BCL7A: variants seen among roughly 807,000 people sequenced by gnomAD.
BCL7A encodes the protein BAF chromatin remodeling complex subunit BCL7A.
A neutral mutation model predicts 28.4 loss-of-function variants in BCL7A; 11 were observed. The ratio of observed to expected loss-of-function variants is 0.39; its 90% CI spans 0.24 to 0.64. The LOEUF (loss-of-function observed/expected upper bound fraction) is 0.64, where lower values mean the gene tolerates loss of function less well. Ranked by LOEUF, BCL7A falls within the 30% of genes least tolerant of loss-of-function variation. The pLI, the probability that BCL7A is intolerant of heterozygous loss-of-function variation, is 0.50. For synonymous variants in BCL7A, 123 were observed against 103.3 expected (o/e 1.19, Z -1.15); for missense variants, 222 against 274.8 (o/e 0.81, Z 1.36).
chr12:122,040,375 A>C (rs1203375863), intron 3 of BCL7A, among the ~76,000 whole-genome samples: 1 of 151,984 alleles, frequency 6.6e-6, no homozygotes, highest in Non-Finnish European at 1.5e-5. Flanking sequence ...TCTACTAAAA[A>C]TACAAAAATT....
At chr12:122,058,980 C>T in intron 5 of BCL7A, 112 bp from the exon 6 acceptor site, 1 of 896,564 alleles carries the variant, frequency 1.1e-6, no homozygotes, top group Non-Finnish European at 1.8e-6. Context: ...TGGTCTGAAC[C>T]ACAAAGCCGC....
In BCL7A at chr12:122,059,353, C is replaced by A; in HGVS notation, c.*190C>A. 1 of 561,194 alleles carries A rather than the reference C, an allele frequency of 1.8e-6. No homozygotes were observed. Among genetic ancestry groups the A allele is most frequent in the Non-Finnish European group, 3.2e-6 (1 of 314,874 alleles). 34.8% of individuals were successfully genotyped at this position (561,194 alleles called of 1,614,324 possible). A position where few individuals can be genotyped will look rare whatever the true frequency, so the allele number is the denominator to read the frequency against. On this transcript the variant is annotated 3_prime_UTR_variant, in exon 6 of 6. Coordinates refer to ENST00000261822, the MANE Select transcript of BCL7A (RefSeq NM_001024808.3). This position sits in a 1 kb window ranked among gnomAD's most constrained non-coding sequence, Gnocchi z 4.0. Reference sequence around the variant, plus strand: ...GACACTGAAGAACTCTGCTGTGAAGCAAAACACTCAAACCTTTAAGGGACT... The same window carrying A: ...GACACTGAAGAACTCTGCTGTGAAGAAAAACACTCAAACCTTTAAGGGACT...
In BCL7A at chr12:122,022,071, C is replaced by T. The variant is rs1363187769; in HGVS notation, c.-21C>T. On this transcript the variant is annotated 5_prime_UTR_variant, in exon 1 of 6. Coordinates refer to ENST00000261822, the MANE Select transcript of BCL7A (RefSeq NM_001024808.3). ...GGACCCGGCGGGCGCGCTCCCCAGC[C>T]TCCGTCTCCCCGCCGGAACCATGTC... 2 of 1,542,396 alleles carry T rather than the reference C, an allele frequency of 1.3e-6. No homozygotes were observed. The highest frequency in any genetic ancestry group is 1.9e-5 in the Admixed American group (1 of 53,052).
At chr12:122,047,492 C>G (rs917994100) in intron 4 of BCL7A, among the ~76,000 whole-genome samples, 2 of 151,836 alleles carry the variant, frequency 1.3e-5, no homozygotes, top group Non-Finnish European at 2.9e-5. Flanking sequence ...CCACTGCACT[C>G]CAGCCTGGGC....
chr12:122,028,905 T>C (rs1187278573), intron 1 of BCL7A, among the ~76,000 whole-genome samples: 2 of 152,198 alleles, frequency 1.3e-5, no homozygotes, highest in Non-Finnish European at 2.9e-5. Context: ...GGACACCTTC[T>C]GATTGCTCAG....
At chr12:122,041,283 G>A (rs1883961611) in intron 3 of BCL7A, among the ~76,000 whole-genome samples, 2 of 152,162 alleles carry the variant, frequency 1.3e-5, no homozygotes, top group African/African-American at 4.8e-5. Flanking sequence ...GGGTTGTGGG[G>A]AGGATTCCAC....
chr12:122,030,382 G>A (rs907036840), intron 1 of BCL7A, among the ~76,000 whole-genome samples: 12 of 152,346 alleles, frequency 7.9e-5, no homozygotes, highest in Middle Eastern at 6.8e-3. Flanking sequence ...CACTGGCTGC[G>A]TGGCATTGGC....
intron 1 of BCL7A, among the ~76,000 whole-genome samples, chr12:122,028,055 G>A (rs1883667776): frequency 6.6e-6 from 1 of 152,124 alleles, no homozygotes; most frequent in Non-Finnish European, 1.5e-5. Context: ...GTGCTCACTT[G>A]GTGCCTTAAA....
At chr12:122,052,873 G>GC (rs1884222151) in intron 4 of BCL7A, among the ~76,000 whole-genome samples, 2 of 137,434 alleles carry the variant, frequency 1.5e-5, no homozygotes, top group Non-Finnish European at 3.1e-5. Flanking sequence ...TTAGTCGGGG[G>GC]GGGGGGGGGG....
At position 122,056,940 on chromosome 12, in the gene BCL7A, G is replaced by A. The variant is rs577136504; in HGVS notation, c.561+2014G>A. ...TGCAAGTCCATCGCATGTCCTACTC[G>A]AGGCCTCTCCTCTGCAACATTTATC... On this transcript the variant is annotated intron_variant, in intron 5 of 5. Coordinates refer to ENST00000261822, the MANE Select transcript of BCL7A (RefSeq NM_001024808.3). Among the ~76,000 whole-genome samples the A allele has an allele frequency of 3.9e-5, 6 of 152,330 alleles. 1 individual carries two copies. The East Asian group carries it at 1.2e-3, about 29-fold the overall frequency.
intron 1 of BCL7A, among the ~76,000 whole-genome samples, chr12:122,023,370 C>T (rs577713456): frequency 6.6e-6 from 1 of 152,192 alleles, no homozygotes; most frequent in African/African-American, 2.4e-5. Context: ...TGGGCAGGCC[C>T]TGTGGCAGGG....
intron 5 of BCL7A, among the ~76,000 whole-genome samples, chr12:122,058,675 C>T (rs1363568540): frequency 6.6e-6 from 1 of 152,066 alleles, no homozygotes; most frequent in Non-Finnish European, 1.5e-5. Context: ...AAAACAAGAA[C>T]TTGGAAAGGT....
chr12:122,023,386 T>C (rs1593019873), intron 1 of BCL7A, among the ~76,000 whole-genome samples: 1 of 152,216 alleles, frequency 6.6e-6, no homozygotes, highest in East Asian at 1.9e-4. Context: ...CAGGGGATGT[T>C]TACGTTTGGG....
At chr12:122,043,009 T>C (rs1883990837) in intron 3 of BCL7A, among the ~76,000 whole-genome samples, 1 of 142,646 alleles carries the variant, frequency 7.0e-6, no homozygotes, top group Admixed American at 7.1e-5. Context: ...CTCCCCCAAC[T>C]TTTTTTTTTT....
chr12:122,048,259 T>G (rs1884117912), intron 4 of BCL7A, among the ~76,000 whole-genome samples: 1 of 151,704 alleles, frequency 6.6e-6, no homozygotes, highest in South Asian at 2.1e-4. Flanking sequence ...TTGAAGAGAG[T>G]ATTTCTTAAC....
chr12:122,038,337 C>A (rs1193334115), intron 3 of BCL7A, among the ~76,000 whole-genome samples: 2 of 142,212 alleles, frequency 1.4e-5, no homozygotes, highest in Non-Finnish European at 3.0e-5. Context: ...GAGGCTGAGG[C>A]AAGAAAATCG....
At chr12:122,057,118 C>T (rs1951884374) in intron 5 of BCL7A, among the ~76,000 whole-genome samples, 2 of 152,320 alleles carry the variant, frequency 1.3e-5, no homozygotes, top group South Asian at 4.1e-4. Flanking sequence ...AGAAGCAGAA[C>T]AGGCCATGGG....
chr12:122,035,390 G>A lies in BCL7A; in HGVS notation c.234G>A (p.Pro78=), dbSNP rs747867432. 5.6e-6 allele frequency: 9 copies of A among 1,614,154 alleles called. No individual in the cohort carries two copies. Among genetic ancestry groups the A allele is most frequent in the Middle Eastern group, 1.6e-4 (1 of 6,062 alleles). The stretch of plus-strand genomic sequence containing the variant: ...AGTGTGGCTCAGAGGTGACCACTCC[G>A]GAGAACAGTTCCTCCCCAGGGATGA... ...DEKCGSEVTT[P]ENSSSPGMMD... The change falls in exon 3 of 6, where the codon CCG becomes CCA. Residue 78 remains proline, a synonymous_variant. Coordinates refer to ENST00000261822, the MANE Select transcript of BCL7A (RefSeq NM_001024808.3).
chr12:122,026,316 G>A (rs1359704620), intron 1 of BCL7A, among the ~76,000 whole-genome samples: 2 of 151,282 alleles, frequency 1.3e-5, no homozygotes, highest in Admixed American at 6.6e-5. Flanking sequence ...GGTGACCCTC[G>A]TCTGTAATCC....
Sources: gnomAD v4.1 joint callset for allele counts (sites outside exome capture counted in the v4.1 genomes callset) on GRCh38, gnomAD v4.1.1 for gene constraint, Gnocchi (gnomAD v3.1) non-coding constraint, MANE v1.5 for transcripts, NCBI Gene and HGNC (gene_info 2026-07-23, HGNC 2026-07-21) for gene names.